LIMCH1: variants seen among roughly 807,000 people sequenced by gnomAD.
LIMCH1 encodes the protein LIM and calponin homology domains 1.
Under a neutral mutation model 176.5 loss-of-function variants are expected in LIMCH1, and 113 were observed. The ratio of observed to expected loss-of-function variants is 0.64; its 90% CI spans 0.55 to 0.75. The LOEUF (loss-of-function observed/expected upper bound fraction) is 0.75. LIMCH1 is among the 30% of genes least tolerant of loss of function. LIMCH1 has a pLI of 0.00. For synonymous variants in LIMCH1, 619 were observed against 645.9 expected (o/e 0.96, Z 0.63); for missense variants, 1,674 against 1,814.9 (o/e 0.92, Z 1.41).
chr4:41,606,713 T>C (rs1210748012), intron 4 of LIMCH1, among the ~76,000 whole-genome samples: 1 of 152,206 alleles, frequency 6.6e-6, no homozygotes, highest in East Asian at 1.9e-4. Flanking sequence ...AAATGGCTAG[T>C]ACATAGTGTT....
Position 41,635,994 on chromosome 4 carries a change from C to A in LIMCH1, c.2090+2186C>A, listed in dbSNP as rs185811173. 3.5e-4 allele frequency among the ~76,000 whole-genome samples: 53 copies of A among 152,252 alleles called. No homozygotes were observed. The East Asian group carries it at 9.7e-3, about 28-fold the overall frequency. ...TGATCATAGTTCACTGCAGCATATC[C>A]CTTCCAGACTTGAGCAATCCTCCCA... On this transcript the variant is annotated intron_variant, in intron 13 of 31. Coordinates refer to ENST00000503057, the MANE Select transcript of LIMCH1 (RefSeq NM_001330672.2).
intron 2 of LIMCH1, among the ~76,000 whole-genome samples, chr4:41,512,813 T>C (rs1270972488): frequency 6.6e-6 from 1 of 152,188 alleles, no homozygotes; most frequent in East Asian, 1.9e-4. Flanking sequence ...GAAGGGAAAC[T>C]AAAATTAGTT....
chr4:41,613,443 C>T (rs1409233459), intron 4 of LIMCH1, 23 bp from the exon 5 acceptor site: 19 of 1,603,512 alleles, frequency 1.2e-5, no homozygotes, highest in Non-Finnish European at 1.4e-5. Context: ...TGTCTGTAAC[C>T]CTTTCATTTT....
chr4:41,380,473 CTTTCT>C (rs2055485980), intron 1 of LIMCH1, among the ~76,000 whole-genome samples: 1 of 151,264 alleles, frequency 6.6e-6, no homozygotes. Context: ...ATTTTCTTTT[CTTTCT>C]TTTTTTTTTT....
At chr4:41,690,759 A>G (rs1015068643) in intron 30 of LIMCH1, among the ~76,000 whole-genome samples, 2 of 152,206 alleles carry the variant, frequency 1.3e-5, no homozygotes, top group Non-Finnish European at 2.9e-5. Context: ...ATCATAGACA[A>G]AACACAGCAT....
At chr4:41,494,255 A>C (rs933262132) in intron 1 of LIMCH1, among the ~76,000 whole-genome samples, 1 of 151,400 alleles carries the variant, frequency 6.6e-6, no homozygotes, top group Non-Finnish European at 1.5e-5. Flanking sequence ...CATTCTTGGA[A>C]TGCCACCCGT....
At chr4:41,527,849 A>AAC (rs2076842517) in intron 3 of LIMCH1, among the ~76,000 whole-genome samples, 2 of 145,190 alleles carry the variant, frequency 1.4e-5, no homozygotes, top group Admixed American at 6.8e-5. Flanking sequence ...AAAAAAAAAA[A>AAC]CTGCCCCATC....
chr4:41,664,687 C>A (rs1167290178), intron 20 of LIMCH1, among the ~76,000 whole-genome samples: 1 of 152,186 alleles, frequency 6.6e-6, no homozygotes, highest in Non-Finnish European at 1.5e-5. Flanking sequence ...AAACATATAA[C>A]TTGAACAGAA....
chr4:41,644,762 A>C, intron 15 of LIMCH1, 136 bp downstream of exon 15: 3 of 1,067,524 alleles, frequency 2.8e-6, no homozygotes, highest in East Asian at 3.0e-5. Flanking sequence ...GACACGGTAA[A>C]TGTGGGACTC....
intron 1 of LIMCH1, among the ~76,000 whole-genome samples, chr4:41,394,801 G>A (rs1296576045): frequency 1.3e-5 from 2 of 152,198 alleles, no homozygotes; most frequent in South Asian, 2.1e-4. Context: ...AGTGCTTGGA[G>A]GCCTTGCAGC....
At chr4:41,590,602 C>T (rs529261752) in intron 1 of LIMCH1, among the ~76,000 whole-genome samples, 2 of 152,230 alleles carry the variant, frequency 1.3e-5, no homozygotes, top group South Asian at 2.1e-4. Flanking sequence ...CTTCTCCTCC[C>T]ACCTCCCATT....
chr4:41,572,017 T>A (rs2083638509), intron 1 of LIMCH1, among the ~76,000 whole-genome samples: 2 of 152,186 alleles, frequency 1.3e-5, no homozygotes, highest in African/African-American at 4.8e-5. Context: ...TAAGCGTGAA[T>A]GAAACATGAA....
chr4:41,505,924 T>TCACACA (rs766763998), intron 2 of LIMCH1, among the ~76,000 whole-genome samples: 3 of 71,118 alleles, frequency 4.2e-5, no homozygotes, highest in African/African-American at 3.2e-4. Context: ...TCTGTGTTTC[T>TCACACA]GACACACACA....
upstream of LIMCH1, among the ~76,000 whole-genome samples, chr4:41,535,651 G>A (rs1000100037): frequency 6.6e-6 from 1 of 152,170 alleles, no homozygotes; most frequent in African/African-American, 2.4e-5. Context: ...ATACGAATTG[G>A]GGGAGGGAGG....
At chr4:41,681,325 C>T (rs1307609996) in intron 25 of LIMCH1, among the ~76,000 whole-genome samples, 1 of 152,172 alleles carries the variant, frequency 6.6e-6, no homozygotes, top group African/African-American at 2.4e-5. Context: ...AGTCTCTCCA[C>T]ACCTGGCTGG....
intron 4 of LIMCH1, among the ~76,000 whole-genome samples, chr4:41,610,765 G>A (rs1044786881): frequency 1.3e-5 from 2 of 152,036 alleles, no homozygotes; most frequent in Admixed American, 6.6e-5. Flanking sequence ...CCAGCCAGTC[G>A]GTATTCGGAG....
At chr4:41,662,681 C>A in intron 19 of LIMCH1, 140 bp from the exon 20 acceptor site, 1 of 867,122 alleles carries the variant, frequency 1.2e-6, no homozygotes, top group Non-Finnish European at 1.8e-6. Context: ...TTTTATATCT[C>A]TGAGCACACT....
rs1374810228 is a variant in LIMCH1, at chr4:41,381,508, G to A, written c.96+20572G>A. ...CTATACCAGTTTTCCATCCTGTCCT[G>A]TGTACATACCCCTTGCCAAGTGACT... On this transcript the variant is annotated intron_variant, in intron 1 of 26. Coordinates refer to the LIMCH1 transcript ENST00000313860. Among the ~76,000 whole-genome samples, 4 of 152,094 alleles carry A rather than the reference G, an allele frequency of 2.6e-5. No homozygotes were observed. The East Asian group carries it at 7.7e-4, about 29-fold the overall frequency.
At chr4:41,426,312 C>T (rs991469869) in intron 1 of LIMCH1, among the ~76,000 whole-genome samples, 54 of 152,160 alleles carry the variant, frequency 3.5e-4, no homozygotes, top group African/African-American at 1.0e-3. Flanking sequence ...TGAGCCACTG[C>T]GCCCGGCCCG....
Sources: gnomAD v4.1 joint callset for allele counts (sites outside exome capture counted in the v4.1 genomes callset) on GRCh38, gnomAD v4.1.1 for gene constraint, MANE v1.5 for transcripts, NCBI Gene and HGNC (gene_info 2026-07-23, HGNC 2026-07-21) for gene names.